CAMTA1: variants seen among roughly 807,000 people sequenced by gnomAD.
The protein encoded by CAMTA1 is calmodulin binding transcription activator 1, also known as calmodulin-binding transcription activator 1.
Under a neutral mutation model 170.9 loss-of-function variants are expected in CAMTA1, and 27 were observed. That is an observed-to-expected ratio of 0.16 (90% confidence interval 0.12 to 0.22). The LOEUF (loss-of-function observed/expected upper bound fraction) is 0.22, where lower values mean the gene tolerates loss of function less well. Among genes scored for constraint, CAMTA1 ranks in the 10% least tolerant of loss-of-function variants. CAMTA1 has a pLI of 1.00. For missense variants in CAMTA1, 1,619 were observed against 2,217.2 expected, an observed-to-expected ratio of 0.73 and a Z score of 5.42; for synonymous variants, 833 against 891.5, an observed-to-expected ratio of 0.93 and a Z score of 1.17.
At chr1:7,273,255 C>T (rs6577431) in intron 5 of CAMTA1, among the ~76,000 whole-genome samples, 123,718 of 152,142 alleles carry the variant, frequency 0.81, 50,706 homozygotes, top group Admixed American at 0.87. Flanking sequence ...TAGATATGTA[C>T]CCAAGAGAAA....
At chr1:7,672,139 CCA>C (rs1408341985) in intron 10 of CAMTA1, 1 of 446,028 alleles carries the variant, frequency 2.2e-6, no homozygotes, top group Admixed American at 2.4e-5. Context: ...GCAGGGAGAC[CCA>C]CCCCTGTCCT....
chr1:7,399,662 C>A (rs555644330), intron 5 of CAMTA1, among the ~76,000 whole-genome samples: 73 of 152,288 alleles, frequency 4.8e-4, no homozygotes, highest in Non-Finnish European at 7.8e-4. Context: ...TGAGGTTGGT[C>A]TAGTGGTGAT....
At position 7,655,329 on chromosome 1, in the gene CAMTA1, C is replaced by A. The variant is rs538176433; in HGVS notation, c.665-6397C>A. Among the ~76,000 whole-genome samples the A allele has an allele frequency of 4.0e-5, 6 of 148,150 alleles. No homozygotes were observed. The East Asian group carries it at 1.2e-3, about 31-fold the overall frequency. ...ACACACCGTTATACACACCTATACA[C>A]ACAAACCCACCTATACACACACCCT... On this transcript the variant is annotated intron_variant, in intron 7 of 22. Transcript: ENST00000303635.
In CAMTA1 at chr1:7,680,207, CG is replaced by C. The variant is rs2096174943; in HGVS notation, c.2914+2477del. ...GCGTCCGGGCCAATGCTGCAGTGGC[CG>C]GGCGGTGGTGAGCCTTCCGTTCCCC... is the stretch of plus-strand genomic sequence containing the variant. On this transcript the variant is annotated intron_variant, in intron 11 of 22. Coordinates refer to ENST00000303635, the MANE Select transcript of CAMTA1 (RefSeq NM_015215.4). The surrounding 1 kb of genome is among the most constrained non-coding windows in gnomAD (Gnocchi z 4.4). 2 of 280,050 alleles carry C rather than the reference CG, an allele frequency of 7.1e-6. No individual in the cohort carries two copies. The highest frequency in any genetic ancestry group is 2.3e-5 in the African/African-American group (1 of 43,822). 17.3% of individuals were successfully genotyped at this position (280,050 alleles called of 1,614,324 possible). A position where few individuals can be genotyped will look rare whatever the true frequency, so the allele number is the denominator to read the frequency against.
intron 11 of CAMTA1, among the ~76,000 whole-genome samples, chr1:7,713,871 A>T (rs1453848856): frequency 2.6e-5 from 4 of 152,196 alleles, no homozygotes; most frequent in Non-Finnish European, 5.9e-5. Context: ...GGGAAGTTTC[A>T]GTTTCTCTTA....
rs1327330928 is a variant in CAMTA1 at position 7,310,710 on chromosome 1, C to CT, written c.438+61087dup. On this transcript the variant is annotated intron_variant, in intron 5 of 22. Transcript: ENST00000303635. ...TCTCTCTCTCTCTCTCTCTTTCTTT[C>CT]TTTCTTTCTTTCTTTCTTTCTTTCT... is the stretch of plus-strand genomic sequence containing the variant. 5.2e-4 allele frequency among the ~76,000 whole-genome samples: 30 copies of CT among 57,424 alleles called. 4 individuals are homozygous for CT. Among genetic ancestry groups the CT allele is most frequent in the Admixed American group, 1.1e-3 (5 of 4,376 alleles). 37.7% of individuals were successfully genotyped at this position (57,424 alleles called of 152,430 possible).
intron 3 of CAMTA1, among the ~76,000 whole-genome samples, chr1:6,834,934 C>T (rs1255918639): frequency 6.6e-6 from 1 of 152,188 alleles, no homozygotes; most frequent in South Asian, 2.1e-4. Flanking sequence ...CTCCCGCCCA[C>T]ACTCGGCCAA....
intron 6 of CAMTA1, among the ~76,000 whole-genome samples, chr1:7,503,787 A>G (rs2094050766): frequency 6.6e-6 from 1 of 152,172 alleles, no homozygotes; most frequent in Non-Finnish European, 1.5e-5. Context: ...GCCCACCCAC[A>G]GTGATGCCCA....
At chr1:7,740,181 T>C (rs2096801502) in intron 16 of CAMTA1, among the ~76,000 whole-genome samples, 1 of 152,314 alleles carries the variant, frequency 6.6e-6, no homozygotes, top group African/African-American at 2.4e-5. Flanking sequence ...AATCAAATAA[T>C]GTTTTAGACA....
intron 5 of CAMTA1, among the ~76,000 whole-genome samples, chr1:7,383,805 G>A (rs1575037292): frequency 6.6e-6 from 1 of 152,110 alleles, no homozygotes; most frequent in Non-Finnish European, 1.5e-5. Flanking sequence ...TGGAGATGAT[G>A]ATAATTTTGA....
rs942476595 is a variant in CAMTA1, at chr1:7,386,820, T to C, written c.439-81010T>C. 3.4e-4 allele frequency among the ~76,000 whole-genome samples: 52 copies of C among 152,146 alleles called. 1 individual carries two copies. Among genetic ancestry groups the C allele is most frequent in the Admixed American group, 3.3e-3 (51 of 15,282 alleles). On this transcript the variant is annotated intron_variant, in intron 5 of 22. Transcript: ENST00000303635. ...GTCACTTGGCTCCTTCCTCCCCTCC[T>C]AACACCCATACAGGCCACTGAAACT...
At chr1:6,942,455 C>T (rs112801534) in intron 3 of CAMTA1, among the ~76,000 whole-genome samples, 4,102 of 152,016 alleles carry the variant, frequency 0.027, 165 homozygotes, top group Admixed American at 0.12. Context: ...TCCAGGAGTT[C>T]GAGAGCAGCC....
At chr1:7,336,664 G>A (rs1056421039) in intron 5 of CAMTA1, among the ~76,000 whole-genome samples, 1 of 152,228 alleles carries the variant, frequency 6.6e-6, no homozygotes, top group East Asian at 1.9e-4. Flanking sequence ...AGAAATGAAA[G>A]GCAGAGAGCC....
chr1:7,354,111 A>AT (rs2084910820), intron 5 of CAMTA1, among the ~76,000 whole-genome samples: 1 of 151,500 alleles, frequency 6.6e-6, no homozygotes, highest in African/African-American at 2.4e-5. Context: ...AAGGCTGCGT[A>AT]GTATTCCACG....
rs1035134794 is a variant in CAMTA1 at position 7,030,980 on chromosome 1, G to A, written c.235-60324G>A. ...CTCCCGAGTAGCTGGGACTACAGGC[G>A]CTCGCCACCATGCCCAGCTAATTTT... On this transcript the variant is annotated intron_variant, in intron 3 of 22. Coordinates refer to ENST00000303635, the MANE Select transcript of CAMTA1 (RefSeq NM_015215.4). Among the ~76,000 whole-genome samples the A allele has an allele frequency of 8.0e-5, 12 of 149,566 alleles. No homozygotes were observed. The South Asian group carries it at 1.1e-3, about 13-fold the overall frequency.
chr1:6,918,639 C>T lies in CAMTA1; in HGVS notation c.234+93429C>T, dbSNP rs958889169. Among the ~76,000 whole-genome samples the T allele has an allele frequency of 2.0e-5, 3 of 152,246 alleles. No homozygotes were observed. The highest frequency in any genetic ancestry group is 4.8e-5 in the African/African-American group (2 of 41,464). On this transcript the variant is annotated intron_variant, in intron 3 of 22. Coordinates refer to ENST00000303635, the MANE Select transcript of CAMTA1 (RefSeq NM_015215.4). The surrounding 1 kb of genome is among the most constrained non-coding windows in gnomAD (Gnocchi z 4.0). Reference sequence around the variant, plus strand: ...CTCCCGAGGAACTCAGAACTTCCCCCGTGGGCCTCAGGCCCAGGATCGCTG... The same window carrying T: ...CTCCCGAGGAACTCAGAACTTCCCCTGTGGGCCTCAGGCCCAGGATCGCTG...
intron 6 of CAMTA1, among the ~76,000 whole-genome samples, chr1:7,499,089 ATG>A (rs2093911256): frequency 9.9e-6 from 1 of 100,840 alleles, no homozygotes; most frequent in African/African-American, 4.0e-5. Flanking sequence ...GTGTGTGTGC[ATG>A]TGTGTCCATG....
intron 5 of CAMTA1, among the ~76,000 whole-genome samples, chr1:7,383,037 C>A (rs1373002238): frequency 6.6e-6 from 1 of 152,160 alleles, no homozygotes; most frequent in Non-Finnish European, 1.5e-5. Flanking sequence ...AAAACCAGAC[C>A]ATCTCCATGC....
In CAMTA1 at chr1:6,838,240, T is replaced by C. The variant is rs191389159; in HGVS notation, c.234+13030T>C. ...CAGCACCAAGCAGATCCATGGGAGC[T>C]ACCCCAGAAAAGCTTGTGATGCAGA... On this transcript the variant is annotated intron_variant, in intron 3 of 22. Transcript: ENST00000303635. Among the ~76,000 whole-genome samples, 360 of 152,296 alleles carry C rather than the reference T, an allele frequency of 2.4e-3. 5 individuals carry two copies. Among genetic ancestry groups the C allele is most frequent in the Non-Finnish European group, 4.1e-3 (279 of 68,008 alleles).
Sources: allele counts gnomAD v4.1 joint callset (sites outside exome capture counted in the v4.1 genomes callset), GRCh38; gene constraint gnomAD v4.1.1; non-coding constraint Gnocchi (gnomAD v3.1); transcripts MANE v1.5; gene names NCBI Gene and HGNC (gene_info 2026-07-23, HGNC 2026-07-21).